The following CCDC14 variants were observed in gnomAD, a reference collection of about 807,000 sequenced individuals.
CCDC14 encodes coiled-coil domain-containing protein 14.
CCDC14 carries 71 observed loss-of-function variants against 81.4 expected under a neutral mutation model. That is an observed-to-expected ratio of 0.87 (90% CI 0.72 to 1.06). The LOEUF is 1.06. Ranked by LOEUF, CCDC14 falls within the 50% of genes least tolerant of loss-of-function variation. The pLI, the probability that CCDC14 is intolerant of heterozygous loss-of-function variation, is 0.00. For synonymous variants in CCDC14, 332 were observed against 364.8 expected (o/e 0.91, Z 1.03); for missense variants, 1,046 against 1,047.3 (o/e 1.00, Z 0.02).
At chr3:123,934,204 T>G (rs990831647) in intron 9 of CCDC14, among the ~76,000 whole-genome samples, 30 of 129,282 alleles carry the variant, frequency 2.3e-4, no homozygotes, top group Admixed American at 1.2e-3. Context: ...ACCTGGGAGG[T>G]GGAGGTTGCA....
At chr3:123,954,518 C>T (rs1184458006) in intron 5 of CCDC14, 1 of 152,010 alleles carries the variant, frequency 6.6e-6, no homozygotes, top group African/African-American at 2.4e-5. Flanking sequence ...TTTCCAGTAA[C>T]CATATAAAAT....
intron 9 of CCDC14, among the ~76,000 whole-genome samples, chr3:123,944,603 T>C (rs1244446650): frequency 6.6e-6 from 1 of 152,104 alleles, no homozygotes; most frequent in Non-Finnish European, 1.5e-5. Context: ...AGGTACTTCA[T>C]TTTTCTGCCT....
intron 4 of CCDC14, 34 bp downstream of exon 4, chr3:123,956,012 T>C: frequency 6.5e-7 from 1 of 1,532,194 alleles, no homozygotes; most frequent in Non-Finnish European, 8.8e-7. Flanking sequence ...TGACTTGAGA[T>C]AAGGTGATCA....
rs72962739 is a variant in CCDC14, at chr3:123,907,290, A to T, written c.668-9677T>A. Among the ~76,000 whole-genome samples, 1,273 of 152,266 alleles carry T rather than the reference A, an allele frequency of 8.4e-3. 13 individuals are homozygous for T. Among genetic ancestry groups the T allele is most frequent in the African/African-American group, 0.027 (1,137 of 41,534 alleles). On this transcript the variant is annotated intron_variant, in intron 5 of 5. Transcript: ENST00000479903. The stretch of plus-strand genomic sequence containing the variant: ...AATTTTCCTTAATATTTAGAGTTTT[A>T]TGCATTAATTTGTTTGGTGTTCATT...
intron 8 of CCDC14, among the ~76,000 whole-genome samples, chr3:123,945,627 T>C (rs1285104183): frequency 6.6e-6 from 1 of 152,172 alleles, no homozygotes; most frequent in Non-Finnish European, 1.5e-5. Context: ...TTTTGCCTTT[T>C]ATCTTTGTCC....
At chr3:123,916,503 G>GTGTGT in intron 12 of CCDC14, among the ~76,000 whole-genome samples, 2 of 92,272 alleles carry the variant, frequency 2.2e-5, no homozygotes, top group African/African-American at 8.5e-5. Context: ...TGTGTGTGTG[G>GTGTGT]CACAATACTA....
chr3:123,917,330 C>T (rs1416605383), intron 12 of CCDC14, among the ~76,000 whole-genome samples: 1 of 150,832 alleles, frequency 6.6e-6, no homozygotes, highest in African/African-American at 2.4e-5. Context: ...CCCATCTCTA[C>T]TAAAAAATAC....
At chr3:123,909,990 C>A (rs956889344), downstream of CCDC14, among the ~76,000 whole-genome samples, 1 of 152,146 alleles carries the variant, frequency 6.6e-6, no homozygotes, top group Non-Finnish European at 1.5e-5. Flanking sequence ...TTTCATTATT[C>A]ATGGCCTCTA....
chr3:123,946,712 T>C lies in CCDC14; in HGVS notation c.1201+91A>G, dbSNP rs1192580983. 7.9e-6 allele frequency: 10 copies of C among 1,261,202 alleles called. No individual in the cohort carries two copies. In the South Asian group the frequency reaches 1.2e-4, roughly 15 times the overall value. The allele number at this position is 1,261,202 out of a possible 1,614,324, so 78.1% of individuals were successfully genotyped here. A position where few individuals can be genotyped will look rare whatever the true frequency, so the allele number is the denominator to read the frequency against. ...GCTCAAAACACAGTTCTATGGAAAATACCACAAACTCCATTTAAATGATAG... is the reference window on the plus strand; with the variant it reads ...GCTCAAAACACAGTTCTATGGAAAACACCACAAACTCCATTTAAATGATAG... On this transcript the variant is annotated intron_variant, in intron 8 of 12. Coordinates refer to ENST00000409697, the MANE Select transcript of CCDC14 (RefSeq NM_001366335.1).
chr3:123,953,504 T>G (rs2037154058), intron 5 of CCDC14: 1 of 152,180 alleles, frequency 6.6e-6, no homozygotes, highest in South Asian at 2.1e-4. Context: ...GTGCTGTGAG[T>G]AATAAAGTCC....
intron 9 of CCDC14, 30 bp downstream of exon 9, chr3:123,944,819 A>T: frequency 1.3e-6 from 2 of 1,581,880 alleles, no homozygotes; most frequent in Non-Finnish European, 1.7e-6. Context: ...CTTTGCATAC[A>T]GACAAAAATA....
intron 5 of CCDC14, among the ~76,000 whole-genome samples, chr3:123,905,630 T>C (rs1007250739): frequency 2.6e-5 from 4 of 152,228 alleles, no homozygotes; most frequent in African/African-American, 9.6e-5. Context: ...GAGTATTTCC[T>C]ATCACTACAA....
chr3:123,943,527 T>C (rs1456803584), intron 9 of CCDC14, among the ~76,000 whole-genome samples: 3 of 152,148 alleles, frequency 2.0e-5, no homozygotes, highest in Non-Finnish European at 4.4e-5. Flanking sequence ...TGTCTGTTTG[T>C]AGGTCATAAG....
chr3:123,960,909 C>G (rs1423512720), intron 1 of CCDC14, among the ~76,000 whole-genome samples: 2 of 152,188 alleles, frequency 1.3e-5, no homozygotes, highest in African/African-American at 4.8e-5. Flanking sequence ...CCGGGCCTGA[C>G]CCCAAAGCCG....
At chr3:123,941,976 T>C (rs1407252173) in intron 9 of CCDC14, among the ~76,000 whole-genome samples, 2 of 152,088 alleles carry the variant, frequency 1.3e-5, no homozygotes, top group Admixed American at 1.3e-4. Flanking sequence ...AATTATTTGA[T>C]TGTCATTCCT....
chr3:123,925,286 T>G (rs189694068), intron 12 of CCDC14, among the ~76,000 whole-genome samples: 1 of 152,038 alleles, frequency 6.6e-6, no homozygotes, highest in African/African-American at 2.4e-5. Flanking sequence ...GTTGAACTCA[T>G]AGAAGCAGAG....
At chr3:123,956,558 T>C in intron 2 of CCDC14, 131 bp from the exon 3 acceptor site, 1 of 766,602 alleles carries the variant, frequency 1.3e-6, no homozygotes. Context: ...AAACACATTC[T>C]GAAGATCAGA....
At chr3:123,931,050 A>C (rs959234488) in intron 12 of CCDC14, 52 bp downstream of exon 12, 1 of 1,452,028 alleles carries the variant, frequency 6.9e-7, no homozygotes, top group African/African-American at 1.4e-5. Context: ...AAGTTTATAA[A>C]AACATCTAAA....
In CCDC14 at chr3:123,915,557, T is replaced by C. The variant is rs781115664; in HGVS notation, c.1940A>G (p.Asn647Ser). Reference protein sequence around the residue: ...PAHTSIMSYLNKLETNYSFTH... With the variant: ...PAHTSIMSYLSKLETNYSFTH... The stretch of plus-strand genomic sequence containing the variant: ...AAAACTGTAATTTGTTTCTAACTTA[T>C]TTAGATAGCTCATTATGGAAGTGTG... The change falls in exon 13 of 13, where the codon AAT becomes AGT. Residue 647 changes from asparagine to serine, a missense_variant. Asn to Ser is a conservative substitution (Grantham distance 46, BLOSUM62 1). Coordinates refer to ENST00000409697, the MANE Select transcript of CCDC14 (RefSeq NM_001366335.1). 64 of 1,613,896 alleles carry C rather than the reference T, an allele frequency of 4.0e-5. No individual in the cohort carries two copies. Among genetic ancestry groups the C allele is most frequent in the African/African-American group, 6.7e-5 (5 of 74,930 alleles).
Sources: allele counts gnomAD v4.1 joint callset (sites outside exome capture counted in the v4.1 genomes callset), GRCh38; gene constraint gnomAD v4.1.1; transcripts MANE v1.5; gene names NCBI Gene and HGNC (gene_info 2026-07-23, HGNC 2026-07-21).